POPDC1: variants seen among roughly 807,000 people sequenced by gnomAD.
The protein encoded by POPDC1 is popeye domain cAMP effector 1.
At chr6:105,111,399 A>G in the POPDC1 span, among the ~76,000 whole-genome samples, 1 of 152,204 alleles carries the variant, frequency 6.6e-6, no homozygotes, top group Admixed American at 6.5e-5. Context: ...AAAGATGACA[A>G]CAAGGTGCCC....
the POPDC1 span, chr6:105,098,625 A>G: frequency 6.6e-6 from 1 of 152,200 alleles, no homozygotes; most frequent in South Asian, 2.1e-4. Context: ...ATGCGCGTGT[A>G]AACTAAATGG....
chr6:105,101,036 T>G, the POPDC1 span: 1 of 1,539,080 alleles, frequency 6.5e-7, no homozygotes, highest in Admixed American at 2.1e-5. Context: ...CTGGTATTTT[T>G]CAGGATCTCT....
the POPDC1 span, chr6:105,100,809 A>T: frequency 4.6e-6 from 1 of 219,630 alleles, no homozygotes; most frequent in African/African-American, 2.3e-5. Flanking sequence ...TGTTAAGTTA[A>T]AACAATAATA....
the POPDC1 span, chr6:105,124,748 T>C: frequency 1.1e-6 from 1 of 919,852 alleles, no homozygotes; most frequent in South Asian, 1.5e-5. Context: ...TTTTATTTTG[T>C]AGTACAGTTT....
the POPDC1 span, among the ~76,000 whole-genome samples, chr6:105,105,852 G>A: frequency 6.6e-6 from 1 of 152,176 alleles, no homozygotes; most frequent in African/African-American, 2.4e-5. Context: ...CTTTAGTTAA[G>A]TGATTTTTCA....
chr6:105,099,868 C>T, the POPDC1 span: 9,228 of 152,348 alleles, frequency 0.061, 296 homozygotes, highest in Middle Eastern at 0.15. Context: ...CATCCTGTGG[C>T]ACCTGCCCAG....
chr6:105,135,248 G>A, the POPDC1 span, among the ~76,000 whole-genome samples: 3 of 152,072 alleles, frequency 2.0e-5, no homozygotes, highest in Admixed American at 6.5e-5. Context: ...CTGAAGGAAC[G>A]TCAACCTGAT....
At chr6:105,097,371 C>T in the POPDC1 span, 2 of 152,190 alleles carry the variant, frequency 1.3e-5, no homozygotes, top group South Asian at 4.1e-4. Context: ...TTATAAATGA[C>T]CAAGAAAATG....
the POPDC1 span, among the ~76,000 whole-genome samples, chr6:105,113,881 G>GTAAT: frequency 6.8e-5 from 10 of 148,044 alleles, no homozygotes; most frequent in Admixed American, 6.8e-4. Context: ...GCAGTGATCT[G>GTAAT]TAATTGTACC....
At chr6:105,124,718 A>G in the POPDC1 span, 1 of 1,163,040 alleles carries the variant, frequency 8.6e-7, no homozygotes, top group Non-Finnish European at 1.3e-6. Flanking sequence ...AATCCTTAAA[A>G]CTGCTATCAT....
At chr6:105,120,976 G>A in the POPDC1 span, among the ~76,000 whole-genome samples, 1 of 152,104 alleles carries the variant, frequency 6.6e-6, no homozygotes, top group African/African-American at 2.4e-5. Context: ...TTGTTTCACA[G>A]CTCCACCAAA....
At chr6:105,104,846 T>C in the POPDC1 span, among the ~76,000 whole-genome samples, 2 of 152,194 alleles carry the variant, frequency 1.3e-5, no homozygotes, top group African/African-American at 4.8e-5. Context: ...ATGGGTTAAA[T>C]GTTGGGGAAA....
chr6:105,099,874 C>T, the POPDC1 span: 2 of 152,318 alleles, frequency 1.3e-5, no homozygotes, highest in Non-Finnish European at 2.9e-5. Context: ...GTGGCACCTG[C>T]CCAGCCATTT....
the POPDC1 span, among the ~76,000 whole-genome samples, chr6:105,110,090 A>C: frequency 2.0e-5 from 3 of 152,206 alleles, no homozygotes. Context: ...GGGTACTGGC[A>C]TGAGAGAGCA....
the POPDC1 span, among the ~76,000 whole-genome samples, chr6:105,101,828 A>G: frequency 6.6e-6 from 1 of 152,340 alleles, no homozygotes; most frequent in Admixed American, 6.5e-5. Flanking sequence ...AGGGCCTTTT[A>G]GGATGCCATT....
At chr6:105,113,951 C>T in the POPDC1 span, among the ~76,000 whole-genome samples, 1 of 150,794 alleles carries the variant, frequency 6.6e-6, no homozygotes, top group African/African-American at 2.4e-5. Context: ...GCCACACACA[C>T]ACACAAAAAA....
the POPDC1 span, among the ~76,000 whole-genome samples, chr6:105,128,500 A>G: frequency 6.6e-6 from 1 of 152,312 alleles, no homozygotes; most frequent in African/African-American, 2.4e-5. Context: ...AAGGTGGGTG[A>G]GAAAAAAAGC....
chr6:105,125,185 G>A, the POPDC1 span, among the ~76,000 whole-genome samples: 1 of 152,158 alleles, frequency 6.6e-6, no homozygotes, highest in East Asian at 1.9e-4. Context: ...CTGACATCAA[G>A]ATTCAGAGCA....
chr6:105,123,424 G>A, the POPDC1 span, among the ~76,000 whole-genome samples: 17 of 151,528 alleles, frequency 1.1e-4, no homozygotes, highest in African/African-American at 2.7e-4. Context: ...TTTTTGAGAC[G>A]GAGTCTTGCT....
Sources: gnomAD v4.1 joint callset for allele counts (sites outside exome capture counted in the v4.1 genomes callset) on GRCh38, gnomAD v4.1.1 for gene constraint, MANE v1.5 for transcripts, NCBI Gene and HGNC (gene_info 2026-07-23, HGNC 2026-07-21) for gene names.